Variants in DLC1 observed in about 807,000 individuals in gnomAD.
DLC1 encodes the protein DLC1 Rho GTPase activating protein.
DLC1 carries 54 observed loss-of-function variants against 140.3 expected under a neutral mutation model. The observed-to-expected ratio is 0.38, with a 90% CI of 0.31 to 0.48. DLC1 has a LOEUF of 0.48. DLC1 is among the 20% of genes least tolerant of loss of function. The pLI is 0.96. For synonymous variants in DLC1, 986 were observed against 728.1 expected (o/e 1.35, Z -5.70); for missense variants, 2,536 against 1,907.0 (o/e 1.33, Z -6.14).
rs965177197 is a variant in DLC1, at chr8:13,085,719, C to T, written c.*92G>A. 6.5e-7 allele frequency: 1 copy of T among 1,546,650 alleles called. No individual in the cohort carries two copies. Among genetic ancestry groups the T allele is most frequent in the Non-Finnish European group, 8.7e-7 (1 of 1,147,086 alleles). On this transcript the variant is annotated 3_prime_UTR_variant, in exon 18 of 18. Coordinates refer to ENST00000276297, the MANE Select transcript of DLC1 (RefSeq NM_182643.3). Reference sequence around the variant, plus strand: ...CTCCAGCTTGTAGTTTTCTTTGTTTCAGGATTAGACACAGAACCCATTCTT... The same window carrying T: ...CTCCAGCTTGTAGTTTTCTTTGTTTTAGGATTAGACACAGAACCCATTCTT...
At chr8:13,490,199 G>T (rs1412960401) in intron 2 of DLC1, among the ~76,000 whole-genome samples, 1 of 152,100 alleles carries the variant, frequency 6.6e-6, no homozygotes, top group South Asian at 2.1e-4. Flanking sequence ...TTTTTAATGT[G>T]CATAAAAAGC....
chr8:13,599,337 T>G (rs774866471), intron 1 of DLC1, among the ~76,000 whole-genome samples: 10 of 151,926 alleles, frequency 6.6e-5, no homozygotes, highest in South Asian at 2.1e-4. Context: ...CAATAATAAA[T>G]TATTAAAAAT....
chr8:13,144,337 CT>C (rs1159451888), intron 5 of DLC1, among the ~76,000 whole-genome samples: 1 of 152,198 alleles, frequency 6.6e-6, no homozygotes, highest in Non-Finnish European at 1.5e-5. Flanking sequence ...AGAGTTACCA[CT>C]GTCAGATTCC....
intron 3 of DLC1, among the ~76,000 whole-genome samples, chr8:13,396,179 C>T (rs1837036316): frequency 6.6e-6 from 1 of 151,548 alleles, no homozygotes; most frequent in Middle Eastern, 3.4e-3. Context: ...CCTGCCTCGG[C>T]CTCCCGAGTA....
intron 1 of DLC1, among the ~76,000 whole-genome samples, chr8:13,535,674 AAAAAAAAAAAG>A (rs1187741033): frequency 6.7e-6 from 1 of 148,748 alleles, no homozygotes; most frequent in Non-Finnish European, 1.5e-5. Context: ...CTCATTAAAA[AAAAAAAAAAAG>A]AAAAGAAAAC....
chr8:13,155,308 C>A (rs1215407704), intron 5 of DLC1, among the ~76,000 whole-genome samples: 4 of 151,532 alleles, frequency 2.6e-5, no homozygotes, highest in African/African-American at 9.7e-5. Flanking sequence ...TATCCTGGTG[C>A]CTGTAGGTTT....
intron 1 of DLC1, among the ~76,000 whole-genome samples, chr8:13,526,409 T>C (rs1316723135): frequency 6.6e-6 from 1 of 152,222 alleles, no homozygotes; most frequent in Non-Finnish European, 1.5e-5. Flanking sequence ...ACTGACATCT[T>C]GATAATATTG....
intron 5 of DLC1, among the ~76,000 whole-genome samples, chr8:13,202,220 A>G (rs893327832): frequency 2.0e-4 from 30 of 152,292 alleles, no homozygotes; most frequent in Middle Eastern, 6.8e-3. Flanking sequence ...CTGGGATTAC[A>G]GGTGTGAGCC....
chr8:13,209,921 T>C (rs543837134), intron 5 of DLC1, among the ~76,000 whole-genome samples: 1 of 152,290 alleles, frequency 6.6e-6, no homozygotes, highest in Admixed American at 6.5e-5. Flanking sequence ...TATTTCTTTA[T>C]AGCAATGCAA....
rs139111524 is a variant in DLC1 at position 13,101,472 on chromosome 8, T to G, written c.1567-702A>C. Among the ~76,000 whole-genome samples the G allele has an allele frequency of 9.8e-3, 1,494 of 152,286 alleles. 30 individuals carry two copies. The highest frequency in any genetic ancestry group is 0.034 in the African/African-American group (1,400 of 41,554). ...GTCTTTTGTTGGTGTATGTTTATAT[T>G]CCCTCTTGCAATTAAAAAGGTAGTT... On this transcript the variant is annotated intron_variant, in intron 8 of 17. Coordinates refer to ENST00000276297, the MANE Select transcript of DLC1 (RefSeq NM_182643.3).
At chr8:13,489,528 T>C (rs1801140774) in intron 2 of DLC1, among the ~76,000 whole-genome samples, 1 of 151,902 alleles carries the variant, frequency 6.6e-6, no homozygotes, top group South Asian at 2.1e-4. Context: ...CTACTTTGTA[T>C]ATATTAACTC....
At chr8:13,423,348 A>T (rs1026206358) in intron 2 of DLC1, among the ~76,000 whole-genome samples, 2 of 152,186 alleles carry the variant, frequency 1.3e-5, no homozygotes, top group Non-Finnish European at 2.9e-5. Flanking sequence ...GGAGACATGT[A>T]CTGGCATAGT....
intron 4 of DLC1, among the ~76,000 whole-genome samples, chr8:13,333,304 C>A (rs905958027): frequency 3.3e-5 from 5 of 152,214 alleles, no homozygotes; most frequent in African/African-American, 1.2e-4. Context: ...TAGCTCACTG[C>A]AGCTTGGAAC....
chr8:13,111,653 A>G (rs1374747691), intron 6 of DLC1, among the ~76,000 whole-genome samples: 1 of 152,202 alleles, frequency 6.6e-6, no homozygotes, highest in Non-Finnish European at 1.5e-5. Context: ...AATTTACAAC[A>G]GCTCTGAAAT....
At chr8:13,324,866 TG>T (rs1287390269) in intron 4 of DLC1, among the ~76,000 whole-genome samples, 3 of 152,204 alleles carry the variant, frequency 2.0e-5, no homozygotes, top group Non-Finnish European at 4.4e-5. Context: ...TGTGTGTGTC[TG>T]TCTGTATTTC....
chr8:13,088,052 G>A (rs1817712878), intron 16 of DLC1, among the ~76,000 whole-genome samples: 1 of 151,458 alleles, frequency 6.6e-6, no homozygotes, highest in Admixed American at 6.6e-5. Flanking sequence ...CATATTTGAA[G>A]GTGTTCACTA....
chr8:13,188,843 A>ATAT (rs1247995559), intron 5 of DLC1, among the ~76,000 whole-genome samples: 5 of 30,664 alleles, frequency 1.6e-4, no homozygotes, highest in Non-Finnish European at 2.5e-4. Context: ...ATATATATAT[A>ATAT]TTTTTTTTTT....
intron 7 of DLC1, among the ~76,000 whole-genome samples, chr8:13,108,938 C>G (rs1389445621): frequency 6.6e-6 from 1 of 152,160 alleles, no homozygotes; most frequent in Admixed American, 6.5e-5. Context: ...CAGTGAAGTT[C>G]TTGGAATTAG....
At chr8:13,199,689 G>T (rs1282321910) in intron 5 of DLC1, among the ~76,000 whole-genome samples, 1 of 152,112 alleles carries the variant, frequency 6.6e-6, no homozygotes, top group African/African-American at 2.4e-5. Flanking sequence ...AAGATGGTGA[G>T]GGGAGGATGT....
Sources: gnomAD v4.1 joint callset for allele counts (sites outside exome capture counted in the v4.1 genomes callset) on GRCh38, gnomAD v4.1.1 for gene constraint, MANE v1.5 for transcripts, NCBI Gene and HGNC (gene_info 2026-07-23, HGNC 2026-07-21) for gene names.